ADGRF1: variants seen among roughly 807,000 people sequenced by gnomAD.
The protein encoded by ADGRF1 is G protein-coupled receptor 110.
ADGRF1 carries 85 observed loss-of-function variants against 87.2 expected under a neutral mutation model. That is an observed-to-expected ratio of 0.97 (90% confidence interval 0.82 to 1.17). The LOEUF (loss-of-function observed/expected upper bound fraction) is 1.17. ADGRF1 is among the 50% of genes most tolerant of loss of function. ADGRF1 has a pLI of 0.00. For synonymous variants in ADGRF1, 430 were observed against 408.8 expected (o/e 1.05, Z -0.63); for missense variants, 1,169 against 1,077.2 (o/e 1.09, Z -1.19).
chr6:47,038,692 C>T, intron 1 of ADGRF1, among the ~76,000 whole-genome samples: 1 of 152,188 alleles, frequency 6.6e-6, no homozygotes. Flanking sequence ...TTCCCCCTGT[C>T]TAGCTGTAAG....
At chr6:47,005,482 A>G (rs1779497475) in intron 13 of ADGRF1, among the ~76,000 whole-genome samples, 1 of 152,240 alleles carries the variant, frequency 6.6e-6, no homozygotes, top group South Asian at 2.1e-4. Flanking sequence ...TCAGATGAAG[A>G]AAAGGGCCTT....
At chr6:47,033,368 C>G (rs897517199) in intron 1 of ADGRF1, among the ~76,000 whole-genome samples, 2 of 152,226 alleles carry the variant, frequency 1.3e-5, no homozygotes, top group Non-Finnish European at 2.9e-5. Context: ...TATATACTTA[C>G]GGACTCCAAA....
Position 47,009,081 on chromosome 6 carries a change from G to A in ADGRF1, c.2354C>T (p.Thr785Ile). The A allele has an allele frequency of 3.1e-6, 5 of 1,614,092 alleles. No homozygotes were observed. Among genetic ancestry groups the A allele is most frequent in the Non-Finnish European group, 4.2e-6 (5 of 1,180,012 alleles). Reference protein sequence around the residue: ...GERLSRDDKATIIRVGKSLLI... With the variant: ...GERLSRDDKAIIIRVGKSLLI... ...GAGGCTCTTCCCCACGCGGATGATG[G>A]TGGCCTTGTCATCCCGACTCAGTCT... Residue 785 changes from threonine (T) to isoleucine (I), a missense_variant, in exon 11 of 15, where the codon ACC becomes ATC. Coordinates refer to ENST00000371253, the MANE Select transcript of ADGRF1 (RefSeq NM_153840.4).
intron 1 of ADGRF1, 100 bp downstream of exon 1, chr6:47,042,091 T>A (rs932748153): frequency 9.2e-5 from 14 of 151,552 alleles, no homozygotes; most frequent in Non-Finnish European, 2.1e-4. Flanking sequence ...GAAATCAGAA[T>A]TTTTTTTTCA....
At position 47,009,395 on chromosome 6, in the gene ADGRF1, G is replaced by C. The variant is rs140960279; in HGVS notation, c.2040C>G (p.Ile680Met). The C allele has an allele frequency of 6.2e-7, 1 of 1,614,086 alleles. No homozygotes were observed. The highest frequency in any genetic ancestry group is 2.2e-5 in the East Asian group (1 of 44,868). The stretch of plus-strand genomic sequence containing the variant: ...CGAGGATGATCCGGTAAGCCAGCAG[G>C]ATGCCAAGCATGAGCATCCAGAAGA... ...SLFFWMLMLGILLAYRIILVF... is the reference protein window; with the variant it reads ...SLFFWMLMLGMLLAYRIILVF... The change falls in exon 11 of 15, where the codon ATC becomes ATG. Residue 680 changes from isoleucine to methionine, a missense_variant. By Grantham distance (10) the Ile-to-Met change is conservative. Transcript: ENST00000371253.
chr6:47,033,620 A>G (rs1384931010), intron 1 of ADGRF1, among the ~76,000 whole-genome samples: 1 of 152,272 alleles, frequency 6.6e-6, no homozygotes, highest in Non-Finnish European at 1.5e-5. Context: ...GCACACACAC[A>G]TTGATGAAAA....
At chr6:47,031,180 G>T (rs964378332) in intron 1 of ADGRF1, among the ~76,000 whole-genome samples, 1 of 152,154 alleles carries the variant, frequency 6.6e-6, no homozygotes, top group African/African-American at 2.4e-5. Flanking sequence ...CCTGCAGAGT[G>T]ATCCGTTCTG....
rs771531129 is a variant in ADGRF1 at position 47,014,863 on chromosome 6, A to T, written c.764-19T>A. The T allele has an allele frequency of 1.9e-6, 3 of 1,579,120 alleles. No individual in the cohort carries two copies. Among genetic ancestry groups the T allele is most frequent in the Non-Finnish European group, 1.7e-6 (2 of 1,160,362 alleles). On this transcript the variant is annotated intron_variant, in intron 8 of 14. Coordinates refer to ENST00000371253, the MANE Select transcript of ADGRF1 (RefSeq NM_153840.4). ...CACTGGGCTGGAAACAAAAGAAAAC[A>T]ACAAAGAAAAATGATCCTAGAATAT...
intron 5 of ADGRF1, among the ~76,000 whole-genome samples, chr6:47,023,704 G>T (rs933132792): frequency 1.3e-5 from 2 of 152,180 alleles, no homozygotes; most frequent in Admixed American, 6.5e-5. Context: ...GGCAAAAGAC[G>T]TGAAAAGAGA....
intron 9 of ADGRF1, chr6:47,013,639 G>A (rs1166175231): frequency 7.1e-6 from 7 of 985,234 alleles, no homozygotes; most frequent in Admixed American, 6.2e-5. Flanking sequence ...TCCTAAGAGA[G>A]CATCATGTGG....
Position 47,013,557 on chromosome 6 carries a change from T to C in ADGRF1, c.927+1124A>G. 6.1e-6 allele frequency: 6 copies of C among 985,576 alleles called. No homozygotes were observed. In the South Asian group the frequency reaches 2.8e-4, roughly 46 times the overall value. 61.1% of individuals were successfully genotyped at this position (985,576 alleles called of 1,614,324 possible). The stretch of plus-strand genomic sequence containing the variant: ...CTGGTCTTGGGGTCCTTCTTTTCTG[T>C]GACTTGAGTTCTTCTGATTCCTAGA... On this transcript the variant is annotated intron_variant, in intron 9 of 14. Transcript: ENST00000371253.
At chr6:47,003,901 G>C (rs978764288) in intron 13 of ADGRF1, among the ~76,000 whole-genome samples, 2 of 152,048 alleles carry the variant, frequency 1.3e-5, no homozygotes, top group African/African-American at 2.4e-5. Context: ...TTTTCACCTA[G>C]AATCCCAATT....
At chr6:47,008,803 A>C in intron 11 of ADGRF1, 142 bp downstream of exon 11, 1 of 700,404 alleles carries the variant, frequency 1.4e-6, no homozygotes, top group South Asian at 2.4e-5. Context: ...ATTTTTTTCT[A>C]TTTATTGTTT....
At chr6:47,020,028 G>A (rs1582165112) in intron 7 of ADGRF1, 1 of 992,402 alleles carries the variant, frequency 1.0e-6, no homozygotes. Flanking sequence ...ATCTCCTGTA[G>A]TTGCTGAAGG....
chr6:47,012,456 C>T (rs567826185), intron 9 of ADGRF1: 1 of 578,116 alleles, frequency 1.7e-6, no homozygotes, highest in Admixed American at 4.9e-5. Context: ...TCATTGAATT[C>T]TTTCAATATC....
intron 1 of ADGRF1, among the ~76,000 whole-genome samples, chr6:47,039,016 G>A (rs1368446511): frequency 6.6e-6 from 1 of 152,170 alleles, no homozygotes; most frequent in African/African-American, 2.4e-5. Context: ...AACTTTGCAG[G>A]TGTGAATCTG....
rs749135973 is a variant in ADGRF1, at chr6:47,005,818, T to C, written c.2591A>G (p.Lys864Arg). Residue 864 changes from lysine (K) to arginine (R), a missense_variant and splice_region_variant, in exon 13 of 15, where the codon AAG becomes AGG. Coordinates refer to ENST00000371253, the MANE Select transcript of ADGRF1 (RefSeq NM_153840.4). ...SALSSWKQTE[K>R]QNSSDLSAKP... is the part of the protein sequence containing the mutation. Reference sequence around the variant, plus strand: ...TTCATGGCAGTAGGAGATAATTACCTTTTCTGTTTGCTTCCAAGAACTTAA... The same window carrying C: ...TTCATGGCAGTAGGAGATAATTACCCTTTCTGTTTGCTTCCAAGAACTTAA... 2 of 1,609,084 alleles carry C rather than the reference T, an allele frequency of 1.2e-6. No homozygotes were observed. The highest frequency in any genetic ancestry group is 1.7e-6 in the Non-Finnish European group (2 of 1,176,998).
chr6:47,018,489 G>T (rs1265380148), intron 7 of ADGRF1: 2 of 1,289,744 alleles, frequency 1.6e-6, no homozygotes, highest in Non-Finnish European at 2.0e-6. Flanking sequence ...CCTTTGTATT[G>T]ATATGTCCAT....
At chr6:47,011,272 G>A (rs1166862493) in intron 10 of ADGRF1, among the ~76,000 whole-genome samples, 1 of 152,056 alleles carries the variant, frequency 6.6e-6, no homozygotes, top group African/African-American at 2.4e-5. Context: ...GATATTTAGT[G>A]TCACTTCTGA....
Sources: gnomAD v4.1 joint callset for allele counts (sites outside exome capture counted in the v4.1 genomes callset) on GRCh38, gnomAD v4.1.1 for gene constraint, MANE v1.5 for transcripts, NCBI Gene and HGNC (gene_info 2026-07-23, HGNC 2026-07-21) for gene names.